BCKDHB: variants seen among roughly 807,000 people sequenced by gnomAD.
The protein encoded by BCKDHB is 2-oxoisovalerate dehydrogenase subunit beta, mitochondrial.
A neutral mutation model predicts 48.5 loss-of-function variants in BCKDHB; 41 were observed. The ratio of observed to expected loss-of-function variants is 0.85; its 90% confidence interval spans 0.66 to 1.10. The LOEUF is 1.10. Ranked by LOEUF, BCKDHB falls within the 50% of genes least tolerant of loss-of-function variation. The pLI is 0.00. For missense variants in BCKDHB, 496 were observed against 494.2 expected, an observed-to-expected ratio of 1.00 and a Z score of -0.03; for synonymous variants, 201 against 174.8, an observed-to-expected ratio of 1.15 and a Z score of -1.18.
chr6:80,442,491 A>G, the BCKDHB span, among the ~76,000 whole-genome samples: 1 of 152,192 alleles, frequency 6.6e-6, no homozygotes, highest in African/African-American at 2.4e-5. Context: ...TATCAACTGT[A>G]TAGTTAAAAC....
the BCKDHB span, among the ~76,000 whole-genome samples, chr6:80,452,944 A>G: frequency 6.6e-6 from 1 of 152,208 alleles, no homozygotes; most frequent in Non-Finnish European, 1.5e-5. Flanking sequence ...TCTGCCACGA[A>G]TTACATTCCT....
Position 80,315,898 on chromosome 6 carries a change from G to A in BCKDHB, c.1039-27766G>A, listed in dbSNP as rs1768421919. Among the ~76,000 whole-genome samples, 5 of 152,216 alleles carry A rather than the reference G, an allele frequency of 3.3e-5. No homozygotes were observed. In the South Asian group the frequency reaches 8.3e-4, roughly 25 times the overall value. On this transcript the variant is annotated intron_variant, in intron 9 of 9. Transcript: ENST00000320393. ...CAATATGTGGCATATAGTAAGCACA[G>A]AATAAGTAACCAATTCCTTCTCTTT...
At chr6:80,421,473 A>T in the BCKDHB span, among the ~76,000 whole-genome samples, 1 of 152,220 alleles carries the variant, frequency 6.6e-6, no homozygotes, top group African/African-American at 2.4e-5. Context: ...ACTGGGTAAT[A>T]GGCAGAGGTT....
chr6:80,254,744 CAAA>C (rs1178835638), intron 8 of BCKDHB, among the ~76,000 whole-genome samples: 1 of 151,990 alleles, frequency 6.6e-6, no homozygotes, highest in African/African-American at 2.4e-5. Context: ...AACTACAAGA[CAAA>C]GAAGGCTAAG....
At chr6:80,406,462 A>C in the BCKDHB span, among the ~76,000 whole-genome samples, 413 of 152,196 alleles carry the variant, frequency 2.7e-3, 2 homozygotes, top group African/African-American at 9.6e-3. Flanking sequence ...GCTAATTTAC[A>C]CTCCCACCAA....
chr6:80,226,282 C>T (rs533421590), intron 8 of BCKDHB, among the ~76,000 whole-genome samples: 6 of 152,234 alleles, frequency 3.9e-5, no homozygotes, highest in East Asian at 1.9e-4. Context: ...GGGCATTCAA[C>T]GAGAAGATTC....
At chr6:80,424,806 TC>T in the BCKDHB span, among the ~76,000 whole-genome samples, 23 of 152,166 alleles carry the variant, frequency 1.5e-4, no homozygotes, top group Non-Finnish European at 3.1e-4. Flanking sequence ...TTGGGTAATT[TC>T]TCAGGTTGAC....
At chr6:80,374,996 G>A in the BCKDHB span, among the ~76,000 whole-genome samples, 3 of 152,178 alleles carry the variant, frequency 2.0e-5, no homozygotes, top group Admixed American at 6.5e-5. Flanking sequence ...CTTCTAGCTT[G>A]TAGGGTTTCT....
At chr6:80,225,398 A>T (rs1775639186) in intron 8 of BCKDHB, among the ~76,000 whole-genome samples, 2 of 152,330 alleles carry the variant, frequency 1.3e-5, no homozygotes, top group South Asian at 4.1e-4. Flanking sequence ...TGTAGACAAA[A>T]AGTGAATAAA....
the BCKDHB span, among the ~76,000 whole-genome samples, chr6:80,444,811 A>G: frequency 6.6e-6 from 1 of 152,250 alleles, no homozygotes; most frequent in Non-Finnish European, 1.5e-5. Context: ...TTATTTACAT[A>G]AACACAGTTA....
intron 8 of BCKDHB, among the ~76,000 whole-genome samples, chr6:80,213,146 C>T (rs1267638898): frequency 6.6e-6 from 1 of 152,106 alleles, no homozygotes; most frequent in African/African-American, 2.4e-5. Context: ...TTTGGTGCTT[C>T]TTCTTGGTGC....
intron 9 of BCKDHB, among the ~76,000 whole-genome samples, chr6:80,341,132 A>G (rs893538271): frequency 3.3e-5 from 5 of 152,186 alleles, no homozygotes; most frequent in African/African-American, 1.2e-4. Context: ...GTCTTCTCTT[A>G]TATATCCTTG....
Position 80,317,734 on chromosome 6 carries a change from C to A in BCKDHB, c.1039-25930C>A, listed in dbSNP as rs149724726. On this transcript the variant is annotated intron_variant, in intron 9 of 9. Coordinates refer to ENST00000320393, the MANE Select transcript of BCKDHB (RefSeq NM_183050.4). ...TTATTCTGCATATCACAATCCCTTT[C>A]TCTTTTCCTTAGTAGACCACACTAG... Among the ~76,000 whole-genome samples the A allele has an allele frequency of 1.1e-3, 171 of 152,358 alleles. 1 individual carries two copies. The highest frequency in any genetic ancestry group is 1.0e-4 in the Non-Finnish European group (7 of 68,030).
the BCKDHB span, among the ~76,000 whole-genome samples, chr6:80,361,324 C>G: frequency 6.6e-6 from 1 of 152,194 alleles, no homozygotes; most frequent in Admixed American, 6.5e-5. Context: ...GGTCAGGTGT[C>G]TACTCCTGCT....
intron 8 of BCKDHB, among the ~76,000 whole-genome samples, chr6:80,255,327 C>T (rs938272409): frequency 1.3e-5 from 2 of 152,116 alleles, no homozygotes; most frequent in African/African-American, 4.8e-5. Flanking sequence ...AGGAATGTTT[C>T]TACTGTTTTT....
chr6:80,294,118 A>G (rs1044558485), intron 9 of BCKDHB, among the ~76,000 whole-genome samples: 2 of 152,132 alleles, frequency 1.3e-5, no homozygotes, highest in African/African-American at 2.4e-5. Context: ...TTCACATAGC[A>G]TCTCACTTTA....
chr6:80,188,146 C>A (rs973902217), intron 6 of BCKDHB, among the ~76,000 whole-genome samples: 8 of 152,018 alleles, frequency 5.3e-5, no homozygotes, highest in African/African-American at 1.9e-4. Context: ...ACTCTACAGG[C>A]ATAAAAAAGA....
At chr6:80,416,724 C>G in the BCKDHB span, among the ~76,000 whole-genome samples, 2 of 151,300 alleles carry the variant, frequency 1.3e-5, no homozygotes, top group African/African-American at 4.8e-5. Flanking sequence ...ACAGTTGTCC[C>G]ATGTGGTGGT....
intron 8 of BCKDHB, among the ~76,000 whole-genome samples, chr6:80,235,229 G>C (rs906776571): frequency 2.6e-5 from 4 of 152,198 alleles, no homozygotes; most frequent in Non-Finnish European, 5.9e-5. Flanking sequence ...GATTTGATCA[G>C]TATGCACTGT....
Sources: allele counts gnomAD v4.1 joint callset (sites outside exome capture counted in the v4.1 genomes callset), GRCh38; gene constraint gnomAD v4.1.1; transcripts MANE v1.5; gene names NCBI Gene and HGNC (gene_info 2026-07-23, HGNC 2026-07-21).